ZNF521: variants seen among roughly 807,000 people sequenced by gnomAD.
ZNF521 encodes the protein zinc finger protein 521, also known as LYST-interacting protein 3.
Under a neutral mutation model 105.5 loss-of-function variants are expected in ZNF521, and 14 were observed. The ratio of observed to expected loss-of-function variants is 0.13; its 90% CI spans 0.09 to 0.21. The LOEUF (loss-of-function observed/expected upper bound fraction) is 0.21, where lower values mean the gene tolerates loss of function less well. Among genes scored for constraint, ZNF521 ranks in the 10% least tolerant of loss-of-function variants. The probability of loss-of-function intolerance (pLI) is 1.00; values close to 1 mark genes in which losing one functional copy is unlikely to be tolerated. For synonymous variants in ZNF521, 635 were observed against 606.0 expected, an observed-to-expected ratio of 1.05 and a Z score of -0.70; for missense variants, 1,233 against 1,629.7, an observed-to-expected ratio of 0.76 and a Z score of 4.19.
At chr18:25,094,807 T>G (rs2033819285) in intron 5 of ZNF521, among the ~76,000 whole-genome samples, 1 of 152,148 alleles carries the variant, frequency 6.6e-6, no homozygotes. Context: ...TTCCCCCATC[T>G]TCACACTTGC....
At chr18:25,335,604 C>T (rs553136290) in intron 2 of ZNF521, among the ~76,000 whole-genome samples, 2 of 152,274 alleles carry the variant, frequency 1.3e-5, no homozygotes, top group East Asian at 1.9e-4. Flanking sequence ...TTAAAAGTGG[C>T]CTCGCTCAAT....
chr18:25,214,396 T>C (rs915324025), intron 4 of ZNF521, among the ~76,000 whole-genome samples: 4 of 152,134 alleles, frequency 2.6e-5, no homozygotes, highest in African/African-American at 9.6e-5. Context: ...CTGTAAATTC[T>C]GTCAGTCTTT....
At chr18:25,202,134 C>A (rs1182510234) in intron 4 of ZNF521, 3 of 152,162 alleles carry the variant, frequency 2.0e-5, no homozygotes, top group Admixed American at 2.0e-4. Flanking sequence ...AAATTTCTTT[C>A]AACTCGAATC....
At chr18:25,138,776 A>G (rs925331358) in intron 5 of ZNF521, among the ~76,000 whole-genome samples, 1 of 152,186 alleles carries the variant, frequency 6.6e-6, no homozygotes, top group Non-Finnish European at 1.5e-5. Context: ...AGGTTGAGAG[A>G]AGAGAACTGG....
In ZNF521 at chr18:25,062,029, A is replaced by C. The variant is rs2032910095; in HGVS notation, c.*683T>G. ...TAACAGTAACATACAGGTTAGTTCA[A>C]CTGATTCAAGAATTTGGCTGCGTGA... On this transcript the variant is annotated 3_prime_UTR_variant, in exon 8 of 8. Coordinates refer to ENST00000361524, the MANE Select transcript of ZNF521 (RefSeq NM_015461.3). 1 of 193,748 alleles carries C rather than the reference A, an allele frequency of 5.2e-6. No individual in the cohort carries two copies. Among genetic ancestry groups the C allele is most frequent in the Admixed American group, 6.1e-5 (1 of 16,364 alleles). The allele number at this position is 193,748 out of a possible 1,614,324, so 12.0% of individuals were successfully genotyped here. A position where few individuals can be genotyped will look rare whatever the true frequency, so the allele number is the denominator to read the frequency against.
intron 5 of ZNF521, among the ~76,000 whole-genome samples, chr18:25,186,969 GA>G (rs1032441443): frequency 6.7e-6 from 1 of 149,486 alleles, no homozygotes; most frequent in African/African-American, 2.5e-5. Flanking sequence ...AAATGGAGAA[GA>G]AAAGTCATAC....
At chr18:25,136,478 A>G (rs1361156637) in intron 5 of ZNF521, among the ~76,000 whole-genome samples, 2 of 152,182 alleles carry the variant, frequency 1.3e-5, no homozygotes. Flanking sequence ...ATGTGACCTC[A>G]TTGAATTCTT....
At chr18:25,276,259 C>T (rs75626565) in intron 3 of ZNF521, among the ~76,000 whole-genome samples, 4,231 of 151,936 alleles carry the variant, frequency 0.028, 86 homozygotes, top group South Asian at 0.052. Flanking sequence ...GCTACCTTCA[C>T]GTTCACCCTG....
At chr18:25,310,676 G>A (rs1414876570) in intron 3 of ZNF521, among the ~76,000 whole-genome samples, 3 of 151,954 alleles carry the variant, frequency 2.0e-5, no homozygotes, top group African/African-American at 7.2e-5. Flanking sequence ...GTCCTATTGG[G>A]TTCTTACTCA....
intron 2 of ZNF521, among the ~76,000 whole-genome samples, chr18:25,328,595 C>T (rs1474352763): frequency 1.3e-5 from 2 of 149,502 alleles, no homozygotes; most frequent in Non-Finnish European, 3.0e-5. Context: ...CTCTTTGGCT[C>T]AGGCCGGAGT....
At chr18:25,118,510 T>C (rs1047388239) in intron 5 of ZNF521, among the ~76,000 whole-genome samples, 1 of 152,022 alleles carries the variant, frequency 6.6e-6, no homozygotes, top group African/African-American at 2.4e-5. Context: ...ATATCACAGA[T>C]TGACATATGG....
chr18:25,273,651 A>G (rs1373441059), intron 3 of ZNF521: 1 of 152,244 alleles, frequency 6.6e-6, no homozygotes, highest in East Asian at 1.9e-4. Flanking sequence ...GGGTATGTAT[A>G]GTACTTAGAG....
At chr18:25,327,107 T>G (rs551684958) in intron 2 of ZNF521, among the ~76,000 whole-genome samples, 63 of 152,216 alleles carry the variant, frequency 4.1e-4, no homozygotes, top group African/African-American at 1.5e-3. Context: ...AAAGAAAAAG[T>G]GGCCCCAACA....
chr18:25,310,787 C>CA (rs1485919440), intron 3 of ZNF521, among the ~76,000 whole-genome samples: 1 of 151,990 alleles, frequency 6.6e-6, no homozygotes, highest in Non-Finnish European at 1.5e-5. Flanking sequence ...ATCTTTTGCT[C>CA]AAAAATAACC....
At chr18:25,224,175 G>A in intron 4 of ZNF521, 170 bp downstream of exon 4, 1 of 665,012 alleles carries the variant, frequency 1.5e-6, no homozygotes, top group Non-Finnish European at 2.6e-6. Context: ...TGCTTATCAA[G>A]AAGCAAGTAA....
At chr18:25,320,665 C>T (rs1041447119) in intron 3 of ZNF521, among the ~76,000 whole-genome samples, 1 of 152,076 alleles carries the variant, frequency 6.6e-6, no homozygotes, top group South Asian at 2.1e-4. Context: ...ATGTAAGCAA[C>T]TGATGAATCA....
At chr18:25,082,541 TAAA>T (rs1157180672) in intron 7 of ZNF521, 1 of 450,436 alleles carries the variant, frequency 2.2e-6, no homozygotes, top group East Asian at 7.0e-5. Flanking sequence ...GTGGGGATAA[TAAA>T]AGAAATTTTG....
chr18:25,072,796 C>CT (rs1449270226), intron 7 of ZNF521, among the ~76,000 whole-genome samples: 3 of 152,110 alleles, frequency 2.0e-5, no homozygotes, highest in African/African-American at 7.2e-5. Flanking sequence ...GCAATACTGT[C>CT]TAATAAGATA....
chr18:25,178,552 C>CT (rs1600123507), intron 5 of ZNF521, among the ~76,000 whole-genome samples: 2 of 152,192 alleles, frequency 1.3e-5, no homozygotes, highest in Non-Finnish European at 2.9e-5. Flanking sequence ...ATTTTTGTCA[C>CT]TTTGTTGCCT....
Sources: gnomAD v4.1 joint callset for allele counts (sites outside exome capture counted in the v4.1 genomes callset) on GRCh38, gnomAD v4.1.1 for gene constraint, MANE v1.5 for transcripts, NCBI Gene and HGNC (gene_info 2026-07-23, HGNC 2026-07-21) for gene names.